SRGAP1: variants seen among roughly 807,000 people sequenced by gnomAD.
The protein encoded by SRGAP1 is SLIT-ROBO Rho GTPase activating protein 1.
In SRGAP1, 43 loss-of-function variants were observed where a neutral mutation model predicts 121.9. That is an observed-to-expected ratio of 0.35 (90% confidence interval 0.28 to 0.46). The LOEUF (loss-of-function observed/expected upper bound fraction) is 0.46, where lower values mean the gene tolerates loss of function less well. Among genes scored for constraint, SRGAP1 ranks in the 20% least tolerant of loss-of-function variants. The pLI, the probability that SRGAP1 is intolerant of heterozygous loss-of-function variation, is 1.00. For synonymous variants in SRGAP1, 447 were observed against 485.4 expected (o/e 0.92, Z 1.04); for missense variants, 1,102 against 1,350.9 (o/e 0.82, Z 2.89).
chr12:64,086,927 A>T, intron 10 of SRGAP1, 72 bp from the exon 11 acceptor site: 1 of 1,088,280 alleles, frequency 9.2e-7, no homozygotes, highest in Non-Finnish European at 1.4e-6. Context: ...ACCGGATAGG[A>T]GATACAAAAG....
chr12:64,139,296 A>C (rs1203953171), intron 21 of SRGAP1, among the ~76,000 whole-genome samples: 2 of 152,250 alleles, frequency 1.3e-5, no homozygotes, highest in Non-Finnish European at 2.9e-5. Flanking sequence ...TCAGGGGAAG[A>C]CTTAAACTGA....
chr12:64,003,023 TGA>T (rs141854046), intron 3 of SRGAP1, among the ~76,000 whole-genome samples: 1,910 of 106,364 alleles, frequency 0.018, 18 homozygotes, highest in African/African-American at 0.041. Flanking sequence ...TGTATGTGAG[TGA>T]GAGAGAGAGA....
chr12:64,021,673 T>TC (rs955405949), intron 4 of SRGAP1, among the ~76,000 whole-genome samples: 4 of 152,116 alleles, frequency 2.6e-5, no homozygotes, highest in African/African-American at 4.8e-5. Context: ...TGTTAATGCC[T>TC]CCCCCACAAC....
chr12:63,919,544 A>G lies in SRGAP1; in HGVS notation c.68-64403A>G, dbSNP rs567182169. Among the ~76,000 whole-genome samples, 5 of 150,864 alleles carry G rather than the reference A, an allele frequency of 3.3e-5. No individual in the cohort carries two copies. The South Asian group carries it at 8.3e-4, about 25-fold the overall frequency. On this transcript the variant is annotated intron_variant, in intron 1 of 21. Transcript: ENST00000355086. The stretch of plus-strand genomic sequence containing the variant: ...TATACACATACACACACACACAACT[A>G]TGTTTGAAAATTATAAAGGATAACA...
In SRGAP1 at chr12:64,108,285, G is replaced by A. The variant is rs73321326; in HGVS notation, c.1814-647G>A. ...ACTAGTCTCAGGTAATCCTGTCTTG[G>A]GGGAGCTCACCATCCCACAGGGAAG... is the stretch of plus-strand genomic sequence containing the variant. On this transcript the variant is annotated intron_variant, in intron 15 of 21. Transcript: ENST00000355086. 2.1e-3 allele frequency among the ~76,000 whole-genome samples: 323 copies of A among 152,138 alleles called. 1 individual carries two copies. The highest frequency in any genetic ancestry group is 7.3e-3 in the African/African-American group (301 of 41,506).
At chr12:63,900,544 G>A (rs2029882964) in intron 1 of SRGAP1, among the ~76,000 whole-genome samples, 1 of 151,934 alleles carries the variant, frequency 6.6e-6, no homozygotes, top group Non-Finnish European at 1.5e-5. Context: ...TGGGTTTGGT[G>A]GCTCACACCT....
At chr12:64,022,020 T>A (rs906983924) in intron 4 of SRGAP1, among the ~76,000 whole-genome samples, 1 of 152,206 alleles carries the variant, frequency 6.6e-6, no homozygotes, top group East Asian at 1.9e-4. Flanking sequence ...CAAAAGTAAC[T>A]GCACTGGCAG....
intron 18 of SRGAP1, among the ~76,000 whole-genome samples, chr12:64,118,599 AAC>A (rs2036558505): frequency 6.6e-6 from 1 of 152,068 alleles, no homozygotes; most frequent in South Asian, 2.1e-4. Context: ...TTTGTTTCCT[AAC>A]ACAGTGGGAT....
chr12:64,096,583 T>TA (rs919813273), intron 14 of SRGAP1, among the ~76,000 whole-genome samples: 58 of 152,142 alleles, frequency 3.8e-4, no homozygotes, highest in Middle Eastern at 3.4e-3. Context: ...TTGTTTACCA[T>TA]AAAAAAAATA....
At chr12:64,133,781 A>G (rs937371538) in intron 21 of SRGAP1, among the ~76,000 whole-genome samples, 1 of 152,174 alleles carries the variant, frequency 6.6e-6, no homozygotes, top group Non-Finnish European at 1.5e-5. Context: ...TCTTTTGTCC[A>G]TCCAACCTAG....
chr12:63,981,830 T>G (rs1449858500), intron 1 of SRGAP1, among the ~76,000 whole-genome samples: 1 of 152,048 alleles, frequency 6.6e-6, no homozygotes, highest in African/African-American at 2.4e-5. Flanking sequence ...AGGGCAGAGA[T>G]CTTGTTTCAT....
chr12:63,900,055 T>A (rs1244695971), intron 1 of SRGAP1, among the ~76,000 whole-genome samples: 2 of 152,178 alleles, frequency 1.3e-5, no homozygotes, highest in Non-Finnish European at 2.9e-5. Flanking sequence ...AGTCTTAAAC[T>A]GTTACAGATT....
chr12:63,993,235 T>A (rs182172222), intron 3 of SRGAP1, among the ~76,000 whole-genome samples: 1 of 151,940 alleles, frequency 6.6e-6, no homozygotes, highest in Non-Finnish European at 1.5e-5. Context: ...ATGCCTGAGG[T>A]TGCAATTTTT....
rs2037190639 is a variant in SRGAP1, at chr12:64,159,140, A to T, written c.*16468A>T. On this transcript the variant is annotated 3_prime_UTR_variant, in exon 22 of 22. Transcript: ENST00000355086. ...TCAAGACCAGCCTGGGCAACATAGC[A>T]AGACCCCATCCCTACAAAACAGTTT... 4.6e-5 allele frequency: 7 copies of T among 152,402 alleles called. No homozygotes were observed. The highest frequency in any genetic ancestry group is 1.7e-4 in the African/African-American group (7 of 41,322). The allele number at this position is 152,402 out of a possible 1,614,324, so 9.4% of individuals were successfully genotyped here.
At chr12:63,923,885 G>A (rs2031158777) in intron 1 of SRGAP1, among the ~76,000 whole-genome samples, 1 of 152,244 alleles carries the variant, frequency 6.6e-6, no homozygotes, top group African/African-American at 2.4e-5. Context: ...GCTCACGCCT[G>A]TAATCCCGCA....
chr12:64,111,611 G>C (rs1431381976), intron 16 of SRGAP1, 151 bp from the exon 17 acceptor site: 1 of 625,160 alleles, frequency 1.6e-6, no homozygotes, highest in Non-Finnish European at 2.6e-6. Context: ...ACTTAGTTAA[G>C]GTCATAAGTC....
rs1243441267 is a variant in SRGAP1 at position 64,053,785 on chromosome 12, C to T, written c.802-9132C>T. Reference sequence around the variant, plus strand: ...TGCAAAAGAGCCTATAACTTATTATCCTGTAAGAATTAGGATGTGTTACAA... The same window carrying T: ...TGCAAAAGAGCCTATAACTTATTATTCTGTAAGAATTAGGATGTGTTACAA... On this transcript the variant is annotated intron_variant, in intron 6 of 21. Transcript: ENST00000355086. Among the ~76,000 whole-genome samples, 4 of 152,050 alleles carry T rather than the reference C, an allele frequency of 2.6e-5. No homozygotes were observed. In the East Asian group the frequency reaches 7.7e-4, roughly 29 times the overall value.
At chr12:64,033,375 C>A (rs766319961) in intron 4 of SRGAP1, among the ~76,000 whole-genome samples, 1 of 152,090 alleles carries the variant, frequency 6.6e-6, no homozygotes, top group African/African-American at 2.4e-5. Flanking sequence ...CCCTAAAGAC[C>A]GTATCTCATG....
In SRGAP1 at chr12:63,990,070, A is replaced by G; in HGVS notation, c.424A>G (p.Lys142Glu). The part of the protein sequence containing the change: ...ISEDSTRMFK[K>E]SKEIAFQLHE... Reference sequence around the variant, plus strand: ...TGAGGATTCTACCAGGATGTTTAAAAAGGTACACTCCATAAATCCTGCCAT... The same window carrying G: ...TGAGGATTCTACCAGGATGTTTAAAGAGGTACACTCCATAAATCCTGCCAT... The change falls in exon 3 of 22, where the codon AAG (lysine) becomes GAG (glutamate). Residue 142 changes from lysine (K) to glutamate (E), a missense_variant and splice_region_variant. Transcript: ENST00000355086. 1 of 1,604,074 alleles carries G rather than the reference A, an allele frequency of 6.2e-7. No individual in the cohort carries two copies. The highest frequency in any genetic ancestry group is 8.5e-7 in the Non-Finnish European group (1 of 1,175,818).
Sources: allele counts gnomAD v4.1 joint callset (sites outside exome capture counted in the v4.1 genomes callset), GRCh38; gene constraint gnomAD v4.1.1; transcripts MANE v1.5; gene names NCBI Gene and HGNC (gene_info 2026-07-23, HGNC 2026-07-21).